The following DTNA variants were observed in gnomAD, a reference collection of about 807,000 sequenced individuals.
The protein encoded by DTNA is dystrophin-related protein 3.
Under a neutral mutation model 100.7 loss-of-function variants are expected in DTNA, and 43 were observed. That is an observed-to-expected ratio of 0.43 (90% CI 0.33 to 0.55). The LOEUF is 0.55. Ranked by LOEUF, DTNA falls within the 20% of genes least tolerant of loss-of-function variation. The pLI, the probability that DTNA is intolerant of heterozygous loss-of-function variation, is 0.04. For synonymous variants in DTNA, 349 were observed against 347.9 expected (o/e 1.00, Z -0.04); for missense variants, 798 against 953.9 (o/e 0.84, Z 2.15).
chr18:34,501,488 G>T (rs1250858579), intron 1 of DTNA, among the ~76,000 whole-genome samples: 1 of 152,118 alleles, frequency 6.6e-6, no homozygotes, highest in Non-Finnish European at 1.5e-5. Flanking sequence ...AATGAATAGG[G>T]ATGTGTTCCC....
At chr18:34,727,468 A>C (rs1253994308) in intron 1 of DTNA, among the ~76,000 whole-genome samples, 1 of 152,214 alleles carries the variant, frequency 6.6e-6, no homozygotes, top group African/African-American at 2.4e-5. Flanking sequence ...GTATTGTGAA[A>C]ACAAATTTTC....
intron 1 of DTNA, among the ~76,000 whole-genome samples, chr18:34,753,528 G>A (rs1036053839): frequency 1.8e-4 from 26 of 145,166 alleles, no homozygotes; most frequent in Admixed American, 6.0e-4. Flanking sequence ...GACTACAGGC[G>A]CCCGCCACTA....
At chr18:34,618,735 G>T (rs1040587410) in intron 1 of DTNA, among the ~76,000 whole-genome samples, 1 of 152,054 alleles carries the variant, frequency 6.6e-6, no homozygotes. Context: ...TTTCATTTTC[G>T]TAAAAATATT....
chr18:34,646,996 G>C (rs2059916975), intron 1 of DTNA, among the ~76,000 whole-genome samples: 1 of 126,906 alleles, frequency 7.9e-6, no homozygotes, highest in Non-Finnish European at 1.7e-5. Context: ...TTACAGGTGT[G>C]AGCCACCGCG....
chr18:34,760,779 CAG>C (rs1167132000), intron 2 of DTNA, among the ~76,000 whole-genome samples: 8 of 152,184 alleles, frequency 5.3e-5, no homozygotes, highest in African/African-American at 1.9e-4. Context: ...TACTTGTGCA[CAG>C]AGTCTCCTGT....
At chr18:34,852,378 A>G (rs1020709863) in intron 15 of DTNA, among the ~76,000 whole-genome samples, 5 of 151,836 alleles carry the variant, frequency 3.3e-5, no homozygotes, top group African/African-American at 9.7e-5. Context: ...TTACTCTCCA[A>G]ACATCCAAAG....
Position 34,603,470 on chromosome 18 carries a change from A to T in DTNA, c.-2+109956A>T, listed in dbSNP as rs192028750. Among the ~76,000 whole-genome samples the T allele has an allele frequency of 2.8e-3, 419 of 152,100 alleles. 2 individuals carry two copies. Among genetic ancestry groups the T allele is most frequent in the African/African-American group, 9.6e-3 (400 of 41,502 alleles). ...AAATTTACCATCTTTACCATTTTTA[A>T]GTGTAGAGTTCAATGGTAATAAATA... On this transcript the variant is annotated intron_variant, in intron 1 of 19. Transcript: ENST00000283365.
At chr18:34,827,741 G>T in intron 10 of DTNA, 65 bp downstream of exon 10, 2 of 1,508,496 alleles carry the variant, frequency 1.3e-6, no homozygotes, top group Non-Finnish European at 9.2e-7. Flanking sequence ...TCTGTGGTAA[G>T]AAAAATATTC....
chr18:34,664,494 A>G (rs1170319745), intron 1 of DTNA, among the ~76,000 whole-genome samples: 1 of 152,160 alleles, frequency 6.6e-6, no homozygotes, highest in Non-Finnish European at 1.5e-5. Flanking sequence ...TTAGAATAGT[A>G]TGCAAGTGGA....
intron 1 of DTNA, among the ~76,000 whole-genome samples, chr18:34,508,155 A>G (rs1352984549): frequency 1.3e-5 from 2 of 152,154 alleles, no homozygotes; most frequent in Non-Finnish European, 2.9e-5. Context: ...TTTGTTTCTC[A>G]TAGTTGCCAA....
chr18:34,715,964 G>A (rs1163716866), intron 1 of DTNA, among the ~76,000 whole-genome samples: 3 of 152,066 alleles, frequency 2.0e-5, no homozygotes. Flanking sequence ...AGGAGGAAGG[G>A]GGAGATAATG....
intron 1 of DTNA, among the ~76,000 whole-genome samples, chr18:34,685,009 A>T (rs1455852127): frequency 1.3e-5 from 2 of 151,932 alleles, no homozygotes; most frequent in Non-Finnish European, 2.9e-5. Flanking sequence ...TTTTCTTGTA[A>T]ATTTGTTTAA....
At position 34,843,599 on chromosome 18, in the gene DTNA, C is replaced by T. The variant is rs555077266; in HGVS notation, c.1347-4697C>T. 5.9e-5 allele frequency among the ~76,000 whole-genome samples: 9 copies of T among 152,228 alleles called. No individual in the cohort carries two copies. In the East Asian group the frequency reaches 1.5e-3, roughly 26 times the overall value. On this transcript the variant is annotated intron_variant, in intron 13 of 22. Transcript: ENST00000444659. The stretch of plus-strand genomic sequence containing the variant: ...TTTTTCTCTACCCTAGTGTCTCTTC[C>T]TTTCCTTAAAAGAACAGCAGTCCTA...
intron 1 of DTNA, among the ~76,000 whole-genome samples, chr18:34,559,870 A>G (rs938116489): frequency 6.6e-6 from 1 of 152,232 alleles, no homozygotes; most frequent in African/African-American, 2.4e-5. Flanking sequence ...ATTGTACCAC[A>G]AAATATGTAT....
At chr18:34,666,260 G>T (rs1465387211) in intron 1 of DTNA, among the ~76,000 whole-genome samples, 3 of 151,352 alleles carry the variant, frequency 2.0e-5, no homozygotes, top group Middle Eastern at 3.4e-3. Flanking sequence ...CCCACTTTTT[G>T]ATGGGGTTGT....
intron 16 of DTNA, among the ~76,000 whole-genome samples, chr18:34,863,721 G>A (rs1481789167): frequency 1.3e-5 from 2 of 152,188 alleles, no homozygotes; most frequent in African/African-American, 4.8e-5. Context: ...TTAATTCAGG[G>A]TAGAAAGGTC....
At chr18:34,509,970 A>G (rs1411257643) in intron 1 of DTNA, among the ~76,000 whole-genome samples, 6 of 152,032 alleles carry the variant, frequency 3.9e-5, no homozygotes, top group African/African-American at 1.4e-4. Context: ...CCAGTCTGCC[A>G]TGGAGTGGTT....
chr18:34,599,916 G>T (rs373281492), intron 1 of DTNA, among the ~76,000 whole-genome samples: 1 of 152,118 alleles, frequency 6.6e-6, no homozygotes, highest in East Asian at 1.9e-4. Flanking sequence ...GACCTCAAGC[G>T]ATCTGCTTGC....
rs35537934 is a variant in DTNA, at chr18:34,747,104, C to CTA, written c.-1-8856_-1-8855dup. 1.2e-3 allele frequency among the ~76,000 whole-genome samples: 178 copies of CTA among 148,310 alleles called. 2 individuals are homozygous for CTA. Among genetic ancestry groups the CTA allele is most frequent in the African/African-American group, 3.8e-3 (152 of 39,852 alleles). On this transcript the variant is annotated intron_variant, in intron 1 of 22. Coordinates refer to ENST00000444659, the MANE Select transcript of DTNA (RefSeq NM_001386795.1). ...CCCATATCTATATCTATATCTGTAT[C>CTA]TATATATATATATATATGTTTATGT... is the stretch of plus-strand genomic sequence containing the variant.
Sources: gnomAD v4.1 joint callset for allele counts (sites outside exome capture counted in the v4.1 genomes callset) on GRCh38, gnomAD v4.1.1 for gene constraint, MANE v1.5 for transcripts, NCBI Gene and HGNC (gene_info 2026-07-23, HGNC 2026-07-21) for gene names.